TENM3: variants seen among roughly 807,000 people sequenced by gnomAD.
TENM3 encodes the protein teneurin-3.
A neutral mutation model predicts 255.1 loss-of-function variants in TENM3; 63 were observed. That is an observed-to-expected ratio of 0.25 (90% CI 0.20 to 0.30). The LOEUF (loss-of-function observed/expected upper bound fraction) is 0.30. Among genes scored for constraint, TENM3 ranks in the 10% least tolerant of loss-of-function variants. The pLI is 1.00. For synonymous variants in TENM3, 1,306 were observed against 1,322.3 expected (o/e 0.99, Z 0.27); for missense variants, 2,929 against 3,461.1 (o/e 0.85, Z 3.86).
chr4:181,794,568 A>G, the TENM3 span, among the ~76,000 whole-genome samples: 1 of 151,484 alleles, frequency 6.6e-6, no homozygotes, highest in Admixed American at 6.6e-5. Context: ...GGCTTATTTC[A>G]CTTAACATAC....
the TENM3 span, among the ~76,000 whole-genome samples, chr4:181,679,756 CT>C: frequency 2.9e-4 from 44 of 152,228 alleles, no homozygotes; most frequent in Non-Finnish European, 5.6e-4. Context: ...CTGAATTACA[CT>C]AAATAGTGCA....
the TENM3 span, among the ~76,000 whole-genome samples, chr4:182,045,546 A>G: frequency 1.3e-5 from 2 of 152,258 alleles, no homozygotes; most frequent in East Asian, 3.9e-4. Context: ...TTGAAGTTGA[A>G]TCGCGATTTA....
At chr4:181,604,297 C>T in the TENM3 span, among the ~76,000 whole-genome samples, 32 of 152,224 alleles carry the variant, frequency 2.1e-4, no homozygotes, top group South Asian at 6.0e-3. Context: ...AAAAAGATAT[C>T]TGAATGATCT....
the TENM3 span, among the ~76,000 whole-genome samples, chr4:181,633,377 T>C: frequency 0.67 from 102,192 of 152,000 alleles, 34,617 homozygotes; most frequent in East Asian, 0.73. Context: ...AGCTGCGGTA[T>C]ACAAGAGGAC....
At chr4:181,906,833 C>T in the TENM3 span, among the ~76,000 whole-genome samples, 1 of 152,208 alleles carries the variant, frequency 6.6e-6, no homozygotes, top group Non-Finnish European at 1.5e-5. Flanking sequence ...AGGCATGGGC[C>T]ACCACTGTAC....
chr4:182,444,664 C>T (rs1772765179), intron 3 of TENM3, among the ~76,000 whole-genome samples: 2 of 152,076 alleles, frequency 1.3e-5, no homozygotes, highest in South Asian at 4.1e-4. Context: ...AGGACTATCC[C>T]TTTTTTTATT....
chr4:181,997,286 G>A, the TENM3 span, among the ~76,000 whole-genome samples: 9 of 152,130 alleles, frequency 5.9e-5, no homozygotes, highest in South Asian at 2.1e-4. Flanking sequence ...TTTGTAATTC[G>A]GTCCTCAGTA....
intron 1 of TENM3, among the ~76,000 whole-genome samples, chr4:182,172,445 A>G (rs144160996): frequency 9.2e-5 from 14 of 152,302 alleles, no homozygotes; most frequent in Middle Eastern, 3.4e-3. Context: ...AGTAGCTACC[A>G]TGTATCCTTT....
At chr4:182,319,985 C>T (rs765841014) in intron 1 of TENM3, among the ~76,000 whole-genome samples, 8 of 151,960 alleles carry the variant, frequency 5.3e-5, no homozygotes, top group Non-Finnish European at 7.4e-5. Flanking sequence ...TGGTGGCACG[C>T]GCCTGTAATC....
chr4:182,154,564 C>T (rs1020367356), intron 1 of TENM3, among the ~76,000 whole-genome samples: 15 of 152,064 alleles, frequency 9.9e-5, no homozygotes, highest in African/African-American at 3.6e-4. Flanking sequence ...ATAATGAAGC[C>T]AGATTATCTA....
chr4:181,792,538 A>G, the TENM3 span, among the ~76,000 whole-genome samples: 12 of 152,216 alleles, frequency 7.9e-5, no homozygotes, highest in African/African-American at 2.9e-4. Context: ...ATTTTTTAGT[A>G]TACAATTACG....
At chr4:182,757,921 A>G (rs1020356315) in intron 22 of TENM3, among the ~76,000 whole-genome samples, 1 of 152,216 alleles carries the variant, frequency 6.6e-6, no homozygotes, top group African/African-American at 2.4e-5. Context: ...GGGCAACTAC[A>G]CTATTCCAAA....
In TENM3 at chr4:182,792,635, T is replaced by C. The variant is rs759382843; in HGVS notation, c.5963T>C (p.Ile1988Thr). ...GTAAACCTCCAGAGTGATGGTTTTA[T>C]TTGCACCATTAGATACAGGCAAATT... The part of the protein sequence containing the change: ...KTVNLQSDGF[I>T]CTIRYRQIGP... The change falls in exon 26 of 28, where the codon ATT becomes ACT. Residue 1988 changes from isoleucine (I) to threonine (T), a missense_variant. Ile to Thr is a moderately conservative substitution (Grantham distance 89). Around this residue, in one of 6 missense-constraint regions of TENM3, gnomAD observed 303 missense variants for 425.2 expected, o/e 0.71. Transcript: ENST00000511685. This position sits in a 1 kb window ranked among gnomAD's most constrained non-coding sequence, Gnocchi z 6.3. 1 of 1,613,984 alleles carries C rather than the reference T, an allele frequency of 6.2e-7. No homozygotes were observed. Among genetic ancestry groups the C allele is most frequent in the Non-Finnish European group, 8.5e-7 (1 of 1,179,894 alleles).
the TENM3 span, among the ~76,000 whole-genome samples, chr4:181,915,881 G>A: frequency 1.1e-4 from 16 of 152,140 alleles, no homozygotes; most frequent in Admixed American, 4.6e-4. Context: ...ATTAAGATCC[G>A]TACCCAGCAG....
the TENM3 span, among the ~76,000 whole-genome samples, chr4:182,006,311 C>T: frequency 6.6e-6 from 1 of 152,094 alleles, no homozygotes; most frequent in Non-Finnish European, 1.5e-5. Context: ...GTACCAGCTC[C>T]TTTTTGTATT....
chr4:182,100,413 G>A, the TENM3 span, among the ~76,000 whole-genome samples: 1 of 134,250 alleles, frequency 7.4e-6, no homozygotes, highest in African/African-American at 2.8e-5. Context: ...ACCAGCCTCG[G>A]TAACATGGCA....
At chr4:181,615,629 A>G in the TENM3 span, among the ~76,000 whole-genome samples, 1 of 152,182 alleles carries the variant, frequency 6.6e-6, no homozygotes, top group Non-Finnish European at 1.5e-5. Context: ...CTCAAAATGC[A>G]TTATGAGGGC....
intron 1 of TENM3, 46 bp downstream of exon 1, chr4:182,243,522 G>C (rs1757420556): frequency 6.6e-6 from 1 of 152,346 alleles, no homozygotes; most frequent in Non-Finnish European, 1.5e-5. Flanking sequence ...TGAGGGCACG[G>C]ATGAGACAGC....
At chr4:182,078,509 G>A in the TENM3 span, among the ~76,000 whole-genome samples, 85 of 152,130 alleles carry the variant, frequency 5.6e-4, no homozygotes, top group African/African-American at 1.7e-3. Flanking sequence ...ACAACAGAGC[G>A]AGACTCTGCC....
Sources: gnomAD v4.1 joint callset for allele counts (sites outside exome capture counted in the v4.1 genomes callset) on GRCh38, gnomAD v4.1.1 for gene constraint, gnomAD v4.1.1 regional missense constraint, Gnocchi (gnomAD v3.1) non-coding constraint, MANE v1.5 for transcripts, NCBI Gene and HGNC (gene_info 2026-07-23, HGNC 2026-07-21) for gene names.